SIPA1L2: variants seen among roughly 807,000 people sequenced by gnomAD.
SIPA1L2 encodes the protein signal induced proliferation associated 1 like 2.
In SIPA1L2, 56 loss-of-function variants were observed where a neutral mutation model predicts 163.9. That is an observed-to-expected ratio of 0.34 (90% CI 0.28 to 0.43). SIPA1L2 has a LOEUF of 0.43. SIPA1L2 is among the 20% of genes least tolerant of loss of function. The probability of loss-of-function intolerance (pLI) is 1.00; values close to 1 mark genes in which losing one functional copy is unlikely to be tolerated. For missense variants in SIPA1L2, 1,974 were observed against 2,193.5 expected (o/e 0.90, Z 2.00); for synonymous variants, 877 against 865.7 (o/e 1.01, Z -0.23).
At chr1:232,524,814 C>T (rs1164754797) in intron 2 of SIPA1L2, among the ~76,000 whole-genome samples, 1 of 152,072 alleles carries the variant, frequency 6.6e-6, no homozygotes, top group Admixed American at 6.6e-5. Flanking sequence ...GAAAGAAACA[C>T]CCCCATATTA....
chr1:232,479,764 A>G (rs369976547), intron 6 of SIPA1L2, 34 bp from the exon 7 acceptor site: 1 of 1,575,612 alleles, frequency 6.3e-7, no homozygotes, highest in African/African-American at 1.3e-5. Flanking sequence ...AAGCAAGGTA[A>G]GCTGCTACAA....
intron 1 of SIPA1L2, among the ~76,000 whole-genome samples, chr1:232,597,399 C>T (rs183146147): frequency 3.6e-4 from 54 of 151,894 alleles, no homozygotes; most frequent in East Asian, 1.9e-3. Context: ...AAGATTTGGC[C>T]GGGCGCGGTG....
At chr1:232,423,038 G>A (rs1256199070) in intron 18 of SIPA1L2, among the ~76,000 whole-genome samples, 1 of 152,132 alleles carries the variant, frequency 6.6e-6, no homozygotes, top group Admixed American at 6.5e-5. Context: ...CTAGTGATAG[G>A]CGGTATGACA....
chr1:232,499,591 G>A (rs1175596209), intron 3 of SIPA1L2, among the ~76,000 whole-genome samples: 2 of 152,200 alleles, frequency 1.3e-5, no homozygotes, highest in Admixed American at 6.5e-5. Context: ...ATCTCCACGC[G>A]GTAAGTGCAA....
chr1:232,622,544 T>C (rs1662869506), intron 1 of SIPA1L2, among the ~76,000 whole-genome samples: 1 of 152,226 alleles, frequency 6.6e-6, no homozygotes, highest in Non-Finnish European at 1.5e-5. Context: ...CAAATAGGGC[T>C]ATGCAGGCAT....
intron 22 of SIPA1L2, among the ~76,000 whole-genome samples, chr1:232,401,841 C>A (rs1660360926): frequency 6.6e-6 from 1 of 152,248 alleles, no homozygotes; most frequent in Non-Finnish European, 1.5e-5. Flanking sequence ...CTACCGCACC[C>A]CATTCCGTTT....
chr1:232,514,265 T>C lies in SIPA1L2; in HGVS notation c.1075A>G (p.Thr359Ala). ...GTCTGGGATGCTGCAGATGCCCCAGTGGTTATGTTTTTCCTTTTCCCCACA... is the reference window on the plus strand; with the variant it reads ...GTCTGGGATGCTGCAGATGCCCCAGCGGTTATGTTTTTCCTTTTCCCCACA... Reference protein sequence around the residue: ...ANVGKRKNITTGASAASQTQM... With the variant: ...ANVGKRKNITAGASAASQTQM... The change falls in exon 3 of 23, where the codon ACT becomes GCT. Residue 359 changes from threonine (T) to alanine (A), a missense_variant. Physicochemically the swap from Thr to Ala is moderately conservative, Grantham distance 58. Transcript: ENST00000674635. 1 of 1,614,054 alleles carries C rather than the reference T, an allele frequency of 6.2e-7. No individual in the cohort carries two copies. The highest frequency in any genetic ancestry group is 8.5e-7 in the Non-Finnish European group (1 of 1,180,042).
In SIPA1L2 at chr1:232,432,479, G is replaced by A. The variant is rs1662303919; in HGVS notation, c.4032-8C>T. 3.7e-6 allele frequency: 6 copies of A among 1,610,968 alleles called. No individual in the cohort carries two copies. Among genetic ancestry groups the A allele is most frequent in the East Asian group, 4.5e-5 (2 of 44,882 alleles). ...CCTGAATGGTGAGAACCACTGAGGA[G>A]AAAAACAGACAAAAGCTGCAATACA... On this transcript the variant is annotated splice_region_variant and splice_polypyrimidine_tract_variant and intron_variant, in intron 15 of 22. Coordinates refer to ENST00000674635, the MANE Select transcript of SIPA1L2 (RefSeq NM_020808.5).
chr1:232,597,283 T>C (rs1362803784), intron 1 of SIPA1L2, among the ~76,000 whole-genome samples: 7 of 151,320 alleles, frequency 4.6e-5, no homozygotes, highest in Non-Finnish European at 1.0e-4. Flanking sequence ...ACACAAACAA[T>C]CCAGAGGAAA....
At position 232,425,675 on chromosome 1, in the gene SIPA1L2, T is replaced by C. The variant is rs780137246; in HGVS notation, c.4544A>G (p.Asn1515Ser). ...TGGGGTGGTGCTGAACAGAATGTCG[T>C]TGGGCAGGGCCTGGTCAAGCACGGA... ...RSSVLDQALP[N>S]DILFSTTPPY... Residue 1515 changes from asparagine (N) to serine (S), a missense_variant, in exon 18 of 23, where the codon AAC (asparagine) becomes AGC (serine). Physicochemically the swap from Asn to Ser is conservative, Grantham distance 46. Around this residue, in one of 3 missense-constraint regions of SIPA1L2, gnomAD observed 1,079 missense variants for 1,150.7 expected, o/e 0.94. Transcript: ENST00000674635. 2.4e-5 allele frequency: 38 copies of C among 1,613,680 alleles called. No homozygotes were observed. Among genetic ancestry groups the C allele is most frequent in the South Asian group, 1.9e-4 (17 of 90,954 alleles).
chr1:232,587,224 G>GT (rs1387519450), intron 1 of SIPA1L2, among the ~76,000 whole-genome samples: 2 of 152,140 alleles, frequency 1.3e-5, no homozygotes, highest in African/African-American at 4.8e-5. Flanking sequence ...ACCAGGTACA[G>GT]ATTTAGATGT....
At chr1:232,442,631 T>G (rs1404334492) in intron 12 of SIPA1L2, among the ~76,000 whole-genome samples, 1 of 151,280 alleles carries the variant, frequency 6.6e-6, no homozygotes, top group Non-Finnish European at 1.5e-5. Context: ...ACCCCAAATA[T>G]GATAGAAATA....
At chr1:232,493,466 G>A in intron 4 of SIPA1L2, 61 bp downstream of exon 4, 10 of 1,586,926 alleles carry the variant, frequency 6.3e-6, no homozygotes, top group East Asian at 2.3e-5. Context: ...ACAAACTGAA[G>A]CAGTAACACC....
In SIPA1L2 at chr1:232,398,722, A is replaced by G. The variant is rs1172630677; in HGVS notation, c.*405T>C. On this transcript the variant is annotated 3_prime_UTR_variant, in exon 23 of 23. Coordinates refer to ENST00000674635, the MANE Select transcript of SIPA1L2 (RefSeq NM_020808.5). ...TGTCTGATTATTTGTTCTCATGTTT[A>G]TTTTACAATACTAAAGCCCAAACTA... The G allele has an allele frequency of 6.2e-6, 1 of 162,394 alleles. No individual in the cohort carries two copies. Among genetic ancestry groups the G allele is most frequent in the Non-Finnish European group, 1.4e-5 (1 of 73,980 alleles). The allele number at this position is 162,394 out of a possible 1,614,324, so 10.1% of individuals were successfully genotyped here.
At chr1:232,450,894 A>G (rs1337124401) in intron 10 of SIPA1L2, among the ~76,000 whole-genome samples, 1 of 152,228 alleles carries the variant, frequency 6.6e-6, no homozygotes, top group Non-Finnish European at 1.5e-5. Context: ...CAATCCATTA[A>G]GTTGAAGAGA....
chr1:232,534,546 A>G (rs1179056269), intron 2 of SIPA1L2, among the ~76,000 whole-genome samples: 3 of 152,252 alleles, frequency 2.0e-5, no homozygotes, highest in Non-Finnish European at 1.5e-5. Flanking sequence ...AGTGCCCTTC[A>G]TCAACACTGA....
intron 5 of SIPA1L2, chr1:232,490,658 C>CAAA: frequency 4.3e-6 from 2 of 462,086 alleles, no homozygotes; most frequent in South Asian, 3.9e-5. Context: ...TTGGTAATAA[C>CAAA]AAAAAAAAAT....
At chr1:232,438,282 A>G (rs1244325476) in intron 15 of SIPA1L2, among the ~76,000 whole-genome samples, 1 of 152,192 alleles carries the variant, frequency 6.6e-6, no homozygotes, top group East Asian at 1.9e-4. Flanking sequence ...GCCCTCCAGC[A>G]TTGTGGGCAG....
At chr1:232,608,915 C>A (rs949956839) in intron 1 of SIPA1L2, among the ~76,000 whole-genome samples, 9 of 151,914 alleles carry the variant, frequency 5.9e-5, no homozygotes, top group Non-Finnish European at 8.8e-5. Flanking sequence ...TACTTACTCA[C>A]AATAGGCCGG....
Sources: allele counts gnomAD v4.1 joint callset (sites outside exome capture counted in the v4.1 genomes callset), GRCh38; gene constraint gnomAD v4.1.1; regional missense constraint gnomAD v4.1.1; transcripts MANE v1.5; gene names NCBI Gene and HGNC (gene_info 2026-07-23, HGNC 2026-07-21).